The following RALGPS1 variants were observed in gnomAD, a reference collection of about 807,000 sequenced individuals.
RALGPS1 encodes Ral GEF with PH domain and SH3 binding motif 1.
A neutral mutation model predicts 78.8 loss-of-function variants in RALGPS1; 19 were observed. The ratio of observed to expected loss-of-function variants is 0.24; its 90% CI spans 0.17 to 0.35. The LOEUF (loss-of-function observed/expected upper bound fraction) is 0.35, where lower values mean the gene tolerates loss of function less well. Ranked by LOEUF, RALGPS1 falls within the 10% of genes least tolerant of loss-of-function variation. RALGPS1 has a pLI of 1.00. For missense variants in RALGPS1, 454 were observed against 688.3 expected (o/e 0.66, Z 3.81); for synonymous variants, 228 against 256.3 (o/e 0.89, Z 1.06).
intron 14 of RALGPS1, among the ~76,000 whole-genome samples, chr9:127,200,538 C>T (rs569027086): frequency 3.9e-5 from 6 of 152,234 alleles, no homozygotes; most frequent in East Asian, 1.9e-4. Context: ...TGGCCAGATA[C>T]GGGGACTGTC....
chr9:127,002,247 A>T (rs2043378910), intron 4 of RALGPS1, among the ~76,000 whole-genome samples: 1 of 152,034 alleles, frequency 6.6e-6, no homozygotes, highest in South Asian at 2.1e-4. Context: ...GGCTTCTTTC[A>T]CTTAACATTA....
intron 2 of RALGPS1, 104 bp from the exon 3 acceptor site, chr9:126,965,740 G>T: frequency 1.2e-6 from 1 of 820,886 alleles, no homozygotes; most frequent in South Asian, 1.5e-5. Flanking sequence ...ATTTTTTATT[G>T]TACTATTCCA....
chr9:126,937,961 TGG>T (rs1367696352), intron 1 of RALGPS1, among the ~76,000 whole-genome samples: 1 of 152,096 alleles, frequency 6.6e-6, no homozygotes, highest in Non-Finnish European at 1.5e-5. Context: ...AGGAAGTGAA[TGG>T]GGGAGGTGGG....
chr9:127,073,548 G>A (rs998781904), intron 8 of RALGPS1, among the ~76,000 whole-genome samples: 2 of 151,652 alleles, frequency 1.3e-5, no homozygotes, highest in Admixed American at 6.6e-5. Context: ...CATATCTTGG[G>A]TAAGGTGAAT....
At chr9:127,144,716 G>A (rs1401692501) in intron 8 of RALGPS1, among the ~76,000 whole-genome samples, 1 of 152,226 alleles carries the variant, frequency 6.6e-6, no homozygotes, top group Admixed American at 6.5e-5. Context: ...GATGAACCTT[G>A]AAAACGCTAA....
At chr9:127,076,349 C>T (rs1371083189) in intron 8 of RALGPS1, among the ~76,000 whole-genome samples, 1 of 152,074 alleles carries the variant, frequency 6.6e-6, no homozygotes. Context: ...TAAAAGTAAC[C>T]ATAGCAGTGT....
intron 6 of RALGPS1, 22 bp from the exon 7 acceptor site, chr9:127,052,825 C>G: frequency 2.7e-6 from 4 of 1,475,030 alleles, no homozygotes; most frequent in Non-Finnish European, 3.8e-6. Context: ...GCAAAATAAT[C>G]TATTCCATAT....
chr9:126,985,554 ATTAC>A (rs547764170), intron 4 of RALGPS1, among the ~76,000 whole-genome samples: 99 of 152,326 alleles, frequency 6.5e-4, no homozygotes, highest in African/African-American at 2.0e-3. Flanking sequence ...TCCTAGCAAC[ATTAC>A]TTACTTTATA....
At chr9:126,936,780 A>T (rs971495722) in intron 1 of RALGPS1, among the ~76,000 whole-genome samples, 2 of 152,172 alleles carry the variant, frequency 1.3e-5, no homozygotes, top group Non-Finnish European at 2.9e-5. Flanking sequence ...TCTCTAACCC[A>T]AGGACAAGGG....
intron 8 of RALGPS1, among the ~76,000 whole-genome samples, chr9:127,157,377 T>C (rs1369577150): frequency 1.3e-5 from 2 of 152,084 alleles, no homozygotes; most frequent in Non-Finnish European, 2.9e-5. Flanking sequence ...TACATTCTCA[T>C]TGCAACAACT....
chr9:127,100,324 A>G (rs1250768652), intron 8 of RALGPS1, among the ~76,000 whole-genome samples: 1 of 152,170 alleles, frequency 6.6e-6, no homozygotes, highest in Non-Finnish European at 1.5e-5. Flanking sequence ...CTCAAGTAAG[A>G]GCTCTTAGGG....
At chr9:126,996,379 T>C (rs1199990362) in intron 4 of RALGPS1, among the ~76,000 whole-genome samples, 1 of 152,120 alleles carries the variant, frequency 6.6e-6, no homozygotes, top group Non-Finnish European at 1.5e-5. Context: ...AAATACAAAC[T>C]ACCATCAGAG....
chr9:127,081,296 T>C (rs950025490), intron 8 of RALGPS1, among the ~76,000 whole-genome samples: 18 of 152,354 alleles, frequency 1.2e-4, no homozygotes, highest in African/African-American at 4.3e-4. Flanking sequence ...TAGCCAGGCC[T>C]TCAGGCCTCC....
intron 8 of RALGPS1, among the ~76,000 whole-genome samples, chr9:127,078,855 T>C (rs754733627): frequency 6.6e-6 from 1 of 152,260 alleles, no homozygotes; most frequent in Non-Finnish European, 1.5e-5. Flanking sequence ...CTAACACTAA[T>C]TACAAAAACT....
intron 3 of RALGPS1, among the ~76,000 whole-genome samples, chr9:126,972,595 C>T (rs775127464): frequency 7.9e-5 from 12 of 152,288 alleles, no homozygotes; most frequent in Non-Finnish European, 1.3e-4. Context: ...AAGGGATGCA[C>T]CTGTGTCTGA....
chr9:127,040,367 A>G (rs1422127443), intron 5 of RALGPS1, among the ~76,000 whole-genome samples: 1 of 152,136 alleles, frequency 6.6e-6, no homozygotes, highest in Non-Finnish European at 1.5e-5. Flanking sequence ...TCACCACTGC[A>G]CTCCAGCCTG....
chr9:127,016,806 C>T (rs535207206), intron 4 of RALGPS1: 3 of 152,316 alleles, frequency 2.0e-5, no homozygotes, highest in Non-Finnish European at 4.4e-5. Flanking sequence ...TGCCTTGGCT[C>T]CAACCTCACT....
chr9:127,017,607 T>C (rs2044977250), intron 4 of RALGPS1, among the ~76,000 whole-genome samples: 1 of 152,216 alleles, frequency 6.6e-6, no homozygotes, highest in Non-Finnish European at 1.5e-5. Context: ...CTTAGCTTAC[T>C]GTAACTTTTT....
intron 1 of RALGPS1, among the ~76,000 whole-genome samples, chr9:126,960,237 C>T (rs1489077831): frequency 4.9e-4 from 32 of 64,664 alleles, no homozygotes; most frequent in African/African-American, 1.1e-3. Flanking sequence ...TCCTTCCTTT[C>T]TTCCTTTTTT....
Sources: allele counts gnomAD v4.1 joint callset (sites outside exome capture counted in the v4.1 genomes callset), GRCh38; gene constraint gnomAD v4.1.1; transcripts MANE v1.5; gene names NCBI Gene and HGNC (gene_info 2026-07-23, HGNC 2026-07-21).